NTRK2: variants seen among roughly 807,000 people sequenced by gnomAD.
NTRK2 encodes the protein neurotrophic receptor tyrosine kinase 2, also known as BDNF/NT-3 growth factors receptor.
Under a neutral mutation model 94.5 loss-of-function variants are expected in NTRK2, and 13 were observed. The ratio of observed to expected loss-of-function variants is 0.14; its 90% confidence interval spans 0.09 to 0.22. The LOEUF (loss-of-function observed/expected upper bound fraction) is 0.22. Ranked by LOEUF, NTRK2 falls within the 10% of genes least tolerant of loss-of-function variation. The pLI is 1.00. For synonymous variants in NTRK2, 372 were observed against 407.4 expected (o/e 0.91, Z 1.05); for missense variants, 639 against 1,071.2 (o/e 0.60, Z 5.63).
chr9:84,952,064 A>G (rs892826363), intron 16 of NTRK2, among the ~76,000 whole-genome samples: 3 of 152,156 alleles, frequency 2.0e-5, no homozygotes, highest in East Asian at 1.9e-4. Context: ...AAAATAGACT[A>G]CTATTTTTCA....
Position 84,670,470 on chromosome 9 carries a change from C to A in NTRK2, c.-279C>A. 1 of 501,968 alleles carries A rather than the reference C, an allele frequency of 2.0e-6. No individual in the cohort carries two copies. The allele number at this position is 501,968 out of a possible 1,614,324, so 31.1% of individuals were successfully genotyped here. ...CGCCGCCGGTCGGTGCCCGGCGCGC[C>A]GGGCCATGCAGCGACGGCCGCCGCG... On this transcript the variant is annotated 5_prime_UTR_variant, in exon 2 of 19. Coordinates refer to ENST00000277120, the MANE Select transcript of NTRK2 (RefSeq NM_006180.6).
At position 84,873,594 on chromosome 9, in the gene NTRK2, A is replaced by G. The variant is rs188087120; in HGVS notation, c.1633+6163A>G. On this transcript the variant is annotated intron_variant, in intron 14 of 18. Transcript: ENST00000277120. ...AGAAGCTATCAAATAATGCTTTAAA[A>G]AAGCAACTTGAGTTTCTTAAAAGAA... The G allele has an allele frequency of 1.2e-5, 13 of 1,053,314 alleles. No homozygotes were observed. In the East Asian group the frequency reaches 6.4e-4, roughly 52 times the overall value. 65.2% of individuals were successfully genotyped at this position (1,053,314 alleles called of 1,614,324 possible).
At chr9:84,788,155 T>A (rs1310598014) in intron 12 of NTRK2, among the ~76,000 whole-genome samples, 1 of 152,164 alleles carries the variant, frequency 6.6e-6, no homozygotes, top group Admixed American at 6.5e-5. Context: ...ATCACGATCA[T>A]CATTATGTTA....
chr9:85,021,754 A>G lies in NTRK2; in HGVS notation c.*317A>G. ...CGATTCTTACCCTTTCTTTTGAATC[A>G]ATCTGGCTTCTGCATTACTATTAAC... On this transcript the variant is annotated 3_prime_UTR_variant, in exon 19 of 19. Transcript: ENST00000277120. The G allele has an allele frequency of 2.3e-6, 1 of 434,124 alleles. No individual in the cohort carries two copies. Among genetic ancestry groups the G allele is most frequent in the Non-Finnish European group, 4.2e-6 (1 of 236,820 alleles). 26.9% of individuals were successfully genotyped at this position (434,124 alleles called of 1,614,324 possible).
chr9:85,022,373 C>T lies in NTRK2; in HGVS notation c.*936C>T, dbSNP rs910771880. ...GTGTGCTCGGACACAGTTTTGTCTT[C>T]GTAGGTTGTGATGATAGCACTGGTT... On this transcript the variant is annotated 3_prime_UTR_variant, in exon 19 of 19. Transcript: ENST00000277120. The T allele has an allele frequency of 2.6e-5, 6 of 233,078 alleles. No individual in the cohort carries two copies. Among genetic ancestry groups the T allele is most frequent in the East Asian group, 6.0e-5 (1 of 16,596 alleles). The allele number at this position is 233,078 out of a possible 1,614,324, so 14.4% of individuals were successfully genotyped here. A position where few individuals can be genotyped will look rare whatever the true frequency, so the allele number is the denominator to read the frequency against.
intron 12 of NTRK2, among the ~76,000 whole-genome samples, chr9:84,795,845 G>A (rs957749093): frequency 6.6e-6 from 1 of 152,110 alleles, no homozygotes; most frequent in Admixed American, 6.5e-5. Flanking sequence ...AGGTTTGGCT[G>A]CTCTCCTATG....
intron 8 of NTRK2, among the ~76,000 whole-genome samples, chr9:84,724,840 G>A (rs2062332291): frequency 6.6e-6 from 1 of 152,150 alleles, no homozygotes; most frequent in Non-Finnish European, 1.5e-5. Context: ...GGTAGGATTA[G>A]TCCTACTTAA....
intron 14 of NTRK2, chr9:84,871,962 C>T (rs1173939470): frequency 6.3e-7 from 1 of 1,582,754 alleles, no homozygotes; most frequent in African/African-American, 1.3e-5. Context: ...CTTCCATAAC[C>T]TAGCCAAGCA....
Position 84,670,479 on chromosome 9 carries a change from C to A in NTRK2, c.-270C>A, listed in dbSNP as rs1290097856. On this transcript the variant is annotated 5_prime_UTR_variant, in exon 2 of 19. Transcript: ENST00000277120. ...TCGGTGCCCGGCGCGCCGGGCCATG[C>A]AGCGACGGCCGCCGCGGAGCTCCGA... The A allele has an allele frequency of 5.8e-6, 3 of 516,854 alleles. No individual in the cohort carries two copies. Among genetic ancestry groups the A allele is most frequent in the Non-Finnish European group, 3.5e-6 (1 of 284,894 alleles). 32.0% of individuals were successfully genotyped at this position (516,854 alleles called of 1,614,324 possible). A position where few individuals can be genotyped will look rare whatever the true frequency, so the allele number is the denominator to read the frequency against.
At chr9:85,005,203 C>G (rs537197610) in intron 17 of NTRK2, among the ~76,000 whole-genome samples, 21 of 152,322 alleles carry the variant, frequency 1.4e-4, no homozygotes, top group African/African-American at 5.1e-4. Flanking sequence ...GGAAGAGACT[C>G]CCTCCTGAAC....
intron 14 of NTRK2, chr9:84,871,920 T>TC: frequency 1.2e-6 from 2 of 1,610,146 alleles, no homozygotes; most frequent in Non-Finnish European, 1.7e-6. Flanking sequence ...CTGCAAATTC[T>TC]GGCCAGACAA....
chr9:84,840,299 C>T (rs1283909692), intron 12 of NTRK2, among the ~76,000 whole-genome samples: 1 of 139,562 alleles, frequency 7.2e-6, no homozygotes, highest in Non-Finnish European at 1.5e-5. Flanking sequence ...AACTCTTTCT[C>T]ACTCTGCTCT....
intron 14 of NTRK2, among the ~76,000 whole-genome samples, chr9:84,910,539 G>C (rs2077208222): frequency 6.6e-6 from 1 of 152,080 alleles, no homozygotes; most frequent in Non-Finnish European, 1.5e-5. Context: ...AGAGTGATCT[G>C]ATCTTAGAAA....
At chr9:84,877,307 G>A (rs1339451469) in intron 14 of NTRK2, 4 of 1,066,066 alleles carry the variant, frequency 3.8e-6, no homozygotes, top group African/African-American at 3.3e-5. Context: ...ACTTGTCTCA[G>A]TATGAGGAAG....
intron 12 of NTRK2, among the ~76,000 whole-genome samples, chr9:84,766,792 A>G (rs2066075398): frequency 6.6e-6 from 1 of 152,058 alleles, no homozygotes; most frequent in Admixed American, 6.6e-5. Context: ...CATACATAAC[A>G]TGCACATTCA....
intron 12 of NTRK2, among the ~76,000 whole-genome samples, chr9:84,789,283 T>C (rs1588614156): frequency 6.6e-6 from 1 of 151,850 alleles, no homozygotes; most frequent in Non-Finnish European, 1.5e-5. Flanking sequence ...TTCAAGCAGG[T>C]TGTGAAATGG....
chr9:84,962,967 A>G (rs1274878967), intron 17 of NTRK2, among the ~76,000 whole-genome samples: 1 of 152,226 alleles, frequency 6.6e-6, no homozygotes, highest in African/African-American at 2.4e-5. Context: ...ACTCAAGTGA[A>G]AGGAAGTTCA....
At chr9:84,822,991 A>T (rs2072948683) in intron 12 of NTRK2, among the ~76,000 whole-genome samples, 1 of 151,822 alleles carries the variant, frequency 6.6e-6, no homozygotes, top group Admixed American at 6.6e-5. Context: ...CACCCTGGAC[A>T]CTCCTGGCTG....
At chr9:84,917,013 A>G (rs1270117400) in intron 14 of NTRK2, among the ~76,000 whole-genome samples, 1 of 152,080 alleles carries the variant, frequency 6.6e-6, no homozygotes, top group East Asian at 1.9e-4. Context: ...TGGTCCTGTT[A>G]ATTAGCCTTC....
Sources: gnomAD v4.1 joint callset for allele counts (sites outside exome capture counted in the v4.1 genomes callset) on GRCh38, gnomAD v4.1.1 for gene constraint, MANE v1.5 for transcripts, NCBI Gene and HGNC (gene_info 2026-07-23, HGNC 2026-07-21) for gene names.